Variants in TRHDE observed in about 807,000 individuals in gnomAD.
TRHDE encodes thyrotropin releasing hormone degrading enzyme.
In TRHDE, 72 loss-of-function variants were observed where a neutral mutation model predicts 125.7. That is an observed-to-expected ratio of 0.57 (90% CI 0.47 to 0.70). TRHDE has a LOEUF of 0.70. TRHDE is among the 30% of genes least tolerant of loss of function. The pLI, the probability that TRHDE is intolerant of heterozygous loss-of-function variation, is 0.00. For missense variants in TRHDE, 1,110 were observed against 1,327.1 expected (o/e 0.84, Z 2.54); for synonymous variants, 509 against 509.1 (o/e 1.00, Z 0.00).
intron 2 of TRHDE, among the ~76,000 whole-genome samples, chr12:72,334,215 T>C (rs1436344845): frequency 4.6e-5 from 7 of 152,232 alleles, no homozygotes; most frequent in Non-Finnish European, 1.0e-4. Context: ...ATTGCCATAG[T>C]CGACATTTTG....
chr12:72,110,199 C>T (rs1104493), intron 2 of TRHDE, among the ~76,000 whole-genome samples: 1 of 152,016 alleles, frequency 6.6e-6, no homozygotes, highest in Admixed American at 6.6e-5. Flanking sequence ...CACATTTTCC[C>T]TATATAATAA....
At chr12:72,188,205 T>G (rs988339139) in intron 2 of TRHDE, among the ~76,000 whole-genome samples, 5 of 152,232 alleles carry the variant, frequency 3.3e-5, no homozygotes, top group African/African-American at 4.8e-5. Flanking sequence ...AAAGTTATTA[T>G]GATTTGGGGG....
intron 4 of TRHDE, among the ~76,000 whole-genome samples, chr12:72,471,855 G>A (rs1876664367): frequency 6.6e-6 from 1 of 151,640 alleles, no homozygotes; most frequent in Non-Finnish European, 1.5e-5. Context: ...TACATGATCT[G>A]GTACTTGTCT....
At chr12:72,518,012 G>C (rs2135957793) in intron 6 of TRHDE, among the ~76,000 whole-genome samples, 1 of 149,010 alleles carries the variant, frequency 6.7e-6, no homozygotes, top group Non-Finnish European at 1.5e-5. Context: ...CTGAGAGATA[G>C]TTTGTTATAA....
chr12:72,128,021 A>C (rs928701903), intron 2 of TRHDE, among the ~76,000 whole-genome samples: 2 of 152,082 alleles, frequency 1.3e-5, no homozygotes, highest in Non-Finnish European at 2.9e-5. Flanking sequence ...TGCAAAAAAA[A>C]CAGAACCCTG....
At chr12:72,406,602 A>G (rs982559218) in intron 3 of TRHDE, among the ~76,000 whole-genome samples, 5 of 152,102 alleles carry the variant, frequency 3.3e-5, no homozygotes, top group African/African-American at 1.2e-4. Flanking sequence ...TCTTTTAGAA[A>G]ACTTTACTGC....
intron 2 of TRHDE, among the ~76,000 whole-genome samples, chr12:72,266,688 A>ATTCATTATG (rs1429590110): frequency 1.3e-5 from 2 of 151,966 alleles, no homozygotes; most frequent in Non-Finnish European, 2.9e-5. Context: ...TGTAGCAAGT[A>ATTCATTATG]TTCATTATGC....
Position 72,286,725 on chromosome 12 carries a change from C to G in TRHDE, c.959C>G (p.Ala320Gly). The change falls in exon 2 of 19, where the codon GCA becomes GGA. Residue 320 changes from alanine (A) to glycine (G), a missense_variant. This residue lies in a region of TRHDE where 252 missense variants were observed against 274.8 expected (regional missense o/e 0.92). Transcript: ENST00000261180. ...TTTTCGCCTACACATGCCAGAAAGG[C>G]ATTTCCTTGTTTTGATGAGCCAATC... is the stretch of plus-strand genomic sequence containing the variant. ...TQFSPTHARK[A>G]FPCFDEPIYK... 6.2e-7 allele frequency: 1 copy of G among 1,613,916 alleles called. No individual in the cohort carries two copies.
At chr12:72,485,645 G>A (rs767670821) in intron 5 of TRHDE, among the ~76,000 whole-genome samples, 7 of 152,218 alleles carry the variant, frequency 4.6e-5, no homozygotes, top group African/African-American at 9.6e-5. Flanking sequence ...GAATACAAGC[G>A]CAGTTTCACC....
At chr12:72,282,165 A>G (rs2139421608) in intron 1 of TRHDE, among the ~76,000 whole-genome samples, 1 of 152,332 alleles carries the variant, frequency 6.6e-6, no homozygotes, top group South Asian at 2.1e-4. Context: ...GCAGGAGAAT[A>G]ACAGACAACA....
At chr12:72,190,791 C>T (rs1877322836) in intron 2 of TRHDE, among the ~76,000 whole-genome samples, 1 of 152,158 alleles carries the variant, frequency 6.6e-6, no homozygotes, top group African/African-American at 2.4e-5. Context: ...GAAAGTAATG[C>T]ATGGACTCCA....
intron 2 of TRHDE, among the ~76,000 whole-genome samples, chr12:72,314,281 T>A (rs200537609): frequency 2.4e-5 from 2 of 84,568 alleles, no homozygotes; most frequent in Admixed American, 2.6e-4. Flanking sequence ...TCTTTCTCTT[T>A]TCTTTTCTTT....
chr12:72,170,332 G>A (rs1252095390), intron 2 of TRHDE, among the ~76,000 whole-genome samples: 1 of 152,130 alleles, frequency 6.6e-6, no homozygotes, highest in East Asian at 1.9e-4. Flanking sequence ...GACTTAATGT[G>A]AAAATTGGAA....
intron 5 of TRHDE, among the ~76,000 whole-genome samples, chr12:72,493,226 C>G (rs975935167): frequency 2.6e-5 from 4 of 151,710 alleles, no homozygotes; most frequent in African/African-American, 9.7e-5. Flanking sequence ...ACATTACAAT[C>G]AAGAATAGGA....
chr12:72,317,512 G>C (rs1211285615), intron 2 of TRHDE, among the ~76,000 whole-genome samples: 2 of 152,166 alleles, frequency 1.3e-5, no homozygotes, highest in African/African-American at 4.8e-5. Context: ...CTGCTTCCAA[G>C]ATGGTGCTTT....
At chr12:72,206,992 C>G (rs1292485023) in intron 2 of TRHDE, among the ~76,000 whole-genome samples, 1 of 152,080 alleles carries the variant, frequency 6.6e-6, no homozygotes, top group African/African-American at 2.4e-5. Context: ...GAAAATGAGA[C>G]TTTTTACCTT....
At position 72,554,629 on chromosome 12, in the gene TRHDE, A is replaced by G. The variant is rs992471352; in HGVS notation, c.1789-7536A>G. Among the ~76,000 whole-genome samples the G allele has an allele frequency of 2.0e-5, 3 of 152,218 alleles. No homozygotes were observed. The East Asian group carries it at 5.8e-4, about 29-fold the overall frequency. ...AAGAAGCAGTCCATTTTTACCAGCCAGGATGTAATTTATCTATTTTGGGAG... is the reference window on the plus strand; with the variant it reads ...AAGAAGCAGTCCATTTTTACCAGCCGGGATGTAATTTATCTATTTTGGGAG... On this transcript the variant is annotated intron_variant, in intron 7 of 18. Coordinates refer to ENST00000261180, the MANE Select transcript of TRHDE (RefSeq NM_013381.3).
Position 72,670,002 on chromosome 12 carries a change from A to G in TRHDE, c.*6807A>G, listed in dbSNP as rs1237658021. The G allele has an allele frequency of 6.6e-6, 1 of 151,764 alleles. No individual in the cohort carries two copies. The highest frequency in any genetic ancestry group is 2.4e-5 in the African/African-American group (1 of 41,418). 9.4% of individuals were successfully genotyped at this position (151,764 alleles called of 1,614,324 possible). On this transcript the variant is annotated 3_prime_UTR_variant, in exon 19 of 19. Coordinates refer to ENST00000261180, the MANE Select transcript of TRHDE (RefSeq NM_013381.3). ...AGAGAAATTCTATCTTTGAGCTTTC[A>G]TAATTGGCTTTCTGGACACCACTGA...
At chr12:72,261,280 T>G (rs1878945007) in intron 2 of TRHDE, among the ~76,000 whole-genome samples, 1 of 152,164 alleles carries the variant, frequency 6.6e-6, no homozygotes, top group Non-Finnish European at 1.5e-5. Flanking sequence ...AAGCACTAAC[T>G]TTGGTTTAGT....
Sources: gnomAD v4.1 joint callset for allele counts (sites outside exome capture counted in the v4.1 genomes callset) on GRCh38, gnomAD v4.1.1 for gene constraint, gnomAD v4.1.1 regional missense constraint, MANE v1.5 for transcripts, NCBI Gene and HGNC (gene_info 2026-07-23, HGNC 2026-07-21) for gene names.